The following GLDC variants were observed in gnomAD, a reference collection of about 807,000 sequenced individuals.
The protein encoded by GLDC is glycine dehydrogenase (decarboxylating), mitochondrial.
Under a neutral mutation model 121.3 loss-of-function variants are expected in GLDC, and 104 were observed. The ratio of observed to expected loss-of-function variants is 0.86; its 90% CI spans 0.73 to 1.01. The LOEUF is 1.01. Ranked by LOEUF, GLDC falls within the 50% of genes least tolerant of loss-of-function variation. The pLI is 0.00. For synonymous variants in GLDC, 546 were observed against 480.6 expected (o/e 1.14, Z -1.78); for missense variants, 1,429 against 1,306.6 (o/e 1.09, Z -1.44).
intron 23 of GLDC, among the ~76,000 whole-genome samples, 169 bp from the exon 24 acceptor site, chr9:6,534,957 T>C (rs527711401): frequency 6.6e-6 from 1 of 152,344 alleles, no homozygotes; most frequent in South Asian, 2.1e-4. Context: ...ATATTTTAAA[T>C]ATCAGAACGT....
At position 6,605,066 on chromosome 9, in the gene GLDC, G is replaced by T. The variant is rs1270082769; in HGVS notation, c.861+65C>A. On this transcript the variant is annotated intron_variant, in intron 6 of 24. Coordinates refer to ENST00000321612, the MANE Select transcript of GLDC (RefSeq NM_000170.3). ...AGGCACATGAAAAGACAGAGAGAGAGATAGGTAGACAGATACAAGTTGGGA... is the reference window on the plus strand; with the variant it reads ...AGGCACATGAAAAGACAGAGAGAGATATAGGTAGACAGATACAAGTTGGGA... 5.0e-6 allele frequency: 7 copies of T among 1,391,588 alleles called. No individual in the cohort carries two copies. The African/African-American group carries it at 8.5e-5, about 17-fold the overall frequency. The allele number at this position is 1,391,588 out of a possible 1,614,324, so 86.2% of individuals were successfully genotyped here.
chr9:6,567,617 C>T (rs376248879), intron 15 of GLDC, among the ~76,000 whole-genome samples: 4 of 152,202 alleles, frequency 2.6e-5, no homozygotes, highest in African/African-American at 9.6e-5. Context: ...TTTTGTCAAC[C>T]TTGTTCACAA....
chr9:6,556,704 C>A lies in GLDC; in HGVS notation c.2053-402G>T, dbSNP rs182500114. Among the ~76,000 whole-genome samples, 461 of 150,836 alleles carry A rather than the reference C, an allele frequency of 3.1e-3. 2 individuals carry two copies. Among genetic ancestry groups the A allele is most frequent in the Non-Finnish European group, 4.9e-3 (334 of 67,784 alleles). On this transcript the variant is annotated intron_variant, in intron 17 of 24. Transcript: ENST00000321612. The stretch of plus-strand genomic sequence containing the variant: ...GCTACTTAGGAGGCTGAGGCAGGGA[C>A]AATTGCTTGAACCGGTGAGGTGGAG...
At chr9:6,571,572 AC>A (rs1438004864) in intron 15 of GLDC, among the ~76,000 whole-genome samples, 3 of 152,188 alleles carry the variant, frequency 2.0e-5, no homozygotes, top group African/African-American at 7.2e-5. Flanking sequence ...TGATCTGGTA[AC>A]CAAGGCAGCT....
intron 14 of GLDC, among the ~76,000 whole-genome samples, chr9:6,587,760 C>CT (rs1284193176): frequency 1.3e-5 from 2 of 152,040 alleles, no homozygotes; most frequent in Non-Finnish European, 2.9e-5. Context: ...GGCCAGGAGT[C>CT]TGAGATCAGA....
At chr9:6,567,467 A>G (rs1191242437) in intron 15 of GLDC, 1 of 152,222 alleles carries the variant, frequency 6.6e-6, no homozygotes. Context: ...TGTGATGTGT[A>G]GTGAGATCAT....
Position 6,608,507 on chromosome 9 carries a change from G to A in GLDC, c.635+1685C>T, listed in dbSNP as rs540491284. The stretch of plus-strand genomic sequence containing the variant: ...TATAATCCCAGCAATTTGGGAGGCC[G>A]AGGCGGGCGGATCATGAGGTCAGGA... On this transcript the variant is annotated intron_variant, in intron 4 of 24. Transcript: ENST00000321612. Among the ~76,000 whole-genome samples, 526 of 150,648 alleles carry A rather than the reference G, an allele frequency of 3.5e-3. 3 individuals are homozygous for A. The highest frequency in any genetic ancestry group is 0.012 in the African/African-American group (482 of 41,114).
intron 2 of GLDC, among the ~76,000 whole-genome samples, chr9:6,629,511 G>A (rs948781452): frequency 6.6e-6 from 1 of 152,020 alleles, no homozygotes; most frequent in Middle Eastern, 3.4e-3. Flanking sequence ...ACTAGGACTA[G>A]GTTTTAATAT....
intron 16 of GLDC, among the ~76,000 whole-genome samples, chr9:6,559,771 C>T (rs1362876465): frequency 6.6e-5 from 10 of 151,790 alleles, no homozygotes; most frequent in Admixed American, 2.0e-4. Context: ...GCCGAGATCG[C>T]GCCATTGCAC....
intron 15 of GLDC, among the ~76,000 whole-genome samples, chr9:6,575,429 G>T (rs557760557): frequency 6.6e-6 from 1 of 152,174 alleles, no homozygotes; most frequent in Non-Finnish European, 1.5e-5. Flanking sequence ...ATCACCTGGG[G>T]ATTTGTTAAA....
At chr9:6,612,656 G>A (rs1484740741) in intron 3 of GLDC, among the ~76,000 whole-genome samples, 2 of 152,132 alleles carry the variant, frequency 1.3e-5, no homozygotes, top group Admixed American at 6.5e-5. Context: ...GAGGTCAGGA[G>A]TTCGAGACGA....
intron 7 of GLDC, among the ~76,000 whole-genome samples, chr9:6,602,595 C>T (rs535948689): frequency 3.3e-5 from 5 of 151,952 alleles, no homozygotes; most frequent in Admixed American, 6.6e-5. Flanking sequence ...TCAGGTGATC[C>T]GCCTGCCTTG....
chr9:6,603,798 C>G (rs571450980), intron 7 of GLDC, among the ~76,000 whole-genome samples: 1 of 149,808 alleles, frequency 6.7e-6, no homozygotes. Flanking sequence ...AGCGCGATCT[C>G]GGCTCACTGC....
intron 15 of GLDC, among the ~76,000 whole-genome samples, chr9:6,578,944 C>A (rs1818124821): frequency 6.6e-6 from 1 of 152,170 alleles, no homozygotes; most frequent in Non-Finnish European, 1.5e-5. Context: ...TCTGTTATTT[C>A]TAGTTTCACT....
chr9:6,581,245 C>T (rs565779791), intron 15 of GLDC, among the ~76,000 whole-genome samples: 3 of 152,318 alleles, frequency 2.0e-5, no homozygotes, highest in Admixed American at 6.5e-5. Context: ...TGGGACAAAT[C>T]GGAGGCATGT....
chr9:6,569,969 C>CA (rs1817925395), intron 15 of GLDC, among the ~76,000 whole-genome samples: 1 of 152,132 alleles, frequency 6.6e-6, no homozygotes, highest in African/African-American at 2.4e-5. Context: ...GAGTGAGACT[C>CA]AGGCTCATGG....
At chr9:6,625,864 G>A (rs2578273) in intron 2 of GLDC, among the ~76,000 whole-genome samples, 19,152 of 151,498 alleles carry the variant, frequency 0.13, 1,227 homozygotes, top group Middle Eastern at 0.15. Context: ...CCAAAGGAAG[G>A]GGAAGAGTAG....
intron 5 of GLDC, chr9:6,606,270 A>G (rs73402952): frequency 5.7e-6 from 2 of 348,098 alleles, no homozygotes; most frequent in Middle Eastern, 9.8e-4. Context: ...GGTTCCCTCA[A>G]CTGCACTCCA....
chr9:6,597,292 A>C (rs1818509728), intron 8 of GLDC, among the ~76,000 whole-genome samples: 1 of 152,232 alleles, frequency 6.6e-6, no homozygotes, highest in African/African-American at 2.4e-5. Context: ...TCTGAAATTA[A>C]ATACTGGTGA....
Sources: allele counts gnomAD v4.1 joint callset (sites outside exome capture counted in the v4.1 genomes callset), GRCh38; gene constraint gnomAD v4.1.1; transcripts MANE v1.5; gene names NCBI Gene and HGNC (gene_info 2026-07-23, HGNC 2026-07-21).